Variants in FAM151B observed in about 807,000 individuals in gnomAD.
FAM151B encodes the protein family with sequence similarity 151 member B, also known as protein FAM151B.
In FAM151B, 24 loss-of-function variants were observed where a neutral mutation model predicts 31.2. The observed-to-expected ratio is 0.77, with a 90% CI of 0.56 to 1.08. The LOEUF is 1.08. Among genes scored for constraint, FAM151B ranks in the 50% least tolerant of loss-of-function variants. The pLI is 0.00. For synonymous variants in FAM151B, 105 were observed against 111.4 expected, an observed-to-expected ratio of 0.94 and a Z score of 0.36; for missense variants, 293 against 328.6, an observed-to-expected ratio of 0.89 and a Z score of 0.84.
At position 80,538,482 on chromosome 5, in the gene FAM151B, C is replaced by G. The variant is rs1561383816; in HGVS notation, c.672-3191C>G. 1.1e-3 allele frequency among the ~76,000 whole-genome samples: 135 copies of G among 126,252 alleles called. 9 individuals are homozygous for G. Among genetic ancestry groups the G allele is most frequent in the African/African-American group, 3.3e-3 (103 of 31,032 alleles). The allele number at this position is 126,252 out of a possible 152,430, so 82.8% of individuals were successfully genotyped here. On this transcript the variant is annotated intron_variant, in intron 5 of 5. Transcript: ENST00000282226. ...TCTTTCTTTCTTTCTTTCTTTCTTT[C>G]TTTCCTTCCTTCCTTCCTTTCTTTT...
chr5:80,502,322 A>G (rs1025163510), intron 2 of FAM151B, among the ~76,000 whole-genome samples: 1 of 152,168 alleles, frequency 6.6e-6, no homozygotes, highest in Non-Finnish European at 1.5e-5. Flanking sequence ...ACTCTCATAT[A>G]TTATTATATT....
chr5:80,514,479 T>A (rs911390040), intron 3 of FAM151B, among the ~76,000 whole-genome samples: 18 of 27,046 alleles, frequency 6.7e-4, no homozygotes, highest in African/African-American at 2.1e-3. Flanking sequence ...CCCTCTCAAA[T>A]AATAATAATA....
chr5:80,530,230 G>A (rs1213541523), intron 5 of FAM151B, among the ~76,000 whole-genome samples: 3 of 152,116 alleles, frequency 2.0e-5, no homozygotes, highest in South Asian at 2.1e-4. Flanking sequence ...TTGATGGGAC[G>A]TATCTCAAAA....
At chr5:80,538,426 T>TTCTTTCTTTC (rs1561383296) in intron 5 of FAM151B, among the ~76,000 whole-genome samples, 70 of 56,494 alleles carry the variant, frequency 1.2e-3, no homozygotes, top group Middle Eastern at 8.5e-3. Flanking sequence ...CTTTCTTTCT[T>TTCTTTCTTTC]TCTTTCTTTC....
intron 1 of FAM151B, among the ~76,000 whole-genome samples, chr5:80,501,159 G>A (rs1017855378): frequency 5.9e-5 from 9 of 151,854 alleles, no homozygotes; most frequent in Non-Finnish European, 1.3e-4. Context: ...GATTACAGGC[G>A]TGTGCCACCA....
rs1269696138 is a variant in FAM151B at position 80,519,871 on chromosome 5, G to A, written c.496G>A (p.Gly166Ser). 2.5e-6 allele frequency: 4 copies of A among 1,613,926 alleles called. No individual in the cohort carries two copies. The highest frequency in any genetic ancestry group is 3.4e-6 in the Non-Finnish European group (4 of 1,180,012). Reference sequence around the variant, plus strand: ...CTTTCCAGACGTGACGTTTTCCCTGGGTTGGACAACAGGATGGCATCCTGA... The same window carrying A: ...CTTTCCAGACGTGACGTTTTCCCTGAGTTGGACAACAGGATGGCATCCTGA... ...SFFPDVTFSLGWTTGWHPEKV... is the reference protein window; with the variant it reads ...SFFPDVTFSLSWTTGWHPEKV... The change falls in exon 4 of 6, where the codon GGT (glycine) becomes AGT (serine). Residue 166 changes from glycine (G) to serine (S), a missense_variant. By Grantham distance (56) the Gly-to-Ser change is moderately conservative. Coordinates refer to ENST00000282226, the MANE Select transcript of FAM151B (RefSeq NM_205548.3).
chr5:80,521,031 G>T (rs1005733416), intron 4 of FAM151B, among the ~76,000 whole-genome samples: 1 of 148,798 alleles, frequency 6.7e-6, no homozygotes, highest in East Asian at 2.0e-4. Context: ...TGGCCAGGCT[G>T]GTCTCAAACT....
At chr5:80,501,326 C>G (rs1743736549) in intron 1 of FAM151B, 1 of 1,226,748 alleles carries the variant, frequency 8.2e-7, no homozygotes. Context: ...GGCCGAGAGA[C>G]CACCCATTTT....
At chr5:80,537,139 A>G (rs973355219) in intron 5 of FAM151B, among the ~76,000 whole-genome samples, 5 of 152,226 alleles carry the variant, frequency 3.3e-5, no homozygotes, top group African/African-American at 1.2e-4. Flanking sequence ...AAAACATCTC[A>G]TGTACCCCAT....
At chr5:80,500,052 G>A in intron 1 of FAM151B, 1 of 198,144 alleles carries the variant, frequency 5.0e-6, no homozygotes, top group Non-Finnish European at 1.0e-5. Flanking sequence ...TAGATAAAAT[G>A]GAATATTATT....
Position 80,538,478 on chromosome 5 carries a change from CT to C in FAM151B, c.672-3192del, listed in dbSNP as rs1745681584. 4.9e-5 allele frequency among the ~76,000 whole-genome samples: 6 copies of C among 122,472 alleles called. 1 individual carries two copies. Among genetic ancestry groups the C allele is most frequent in the African/African-American group, 6.8e-5 (2 of 29,398 alleles). The allele number at this position is 122,472 out of a possible 152,430, so 80.3% of individuals were successfully genotyped here. ...TCTTTCTTTCTTTCTTTCTTTCTTTCTTTCTTTCCTTCCTTCCTTCCTTTCT... is the reference window on the plus strand; with the variant it reads ...TCTTTCTTTCTTTCTTTCTTTCTTTCTTCTTTCCTTCCTTCCTTCCTTTCT... On this transcript the variant is annotated intron_variant, in intron 5 of 5. Transcript: ENST00000282226.
At chr5:80,502,484 T>C (rs1743782517) in intron 2 of FAM151B, among the ~76,000 whole-genome samples, 1 of 152,230 alleles carries the variant, frequency 6.6e-6, no homozygotes, top group African/African-American at 2.4e-5. Flanking sequence ...TTATAATTAA[T>C]AAATAATTGG....
At chr5:80,538,438 T>TTCTTTCTA (rs1745653538) in intron 5 of FAM151B, among the ~76,000 whole-genome samples, 1 of 55,700 alleles carries the variant, frequency 1.8e-5, no homozygotes, top group Non-Finnish European at 3.3e-5. Context: ...CTTTCTTTCT[T>TTCTTTCTA]TCTTTCTTTC....
chr5:80,496,087 T>C (rs759837309), intron 1 of FAM151B, among the ~76,000 whole-genome samples: 10 of 152,206 alleles, frequency 6.6e-5, no homozygotes, highest in Admixed American at 1.3e-4. Flanking sequence ...AGCAGCAGAG[T>C]TTGAGAGAAT....
intron 3 of FAM151B, among the ~76,000 whole-genome samples, chr5:80,519,454 A>G (rs1196153349): frequency 2.6e-5 from 4 of 152,186 alleles, no homozygotes; most frequent in African/African-American, 7.2e-5. Flanking sequence ...TAGTACCACT[A>G]TTCATATATT....
chr5:80,507,336 A>T (rs1744006230), intron 2 of FAM151B, among the ~76,000 whole-genome samples: 1 of 152,126 alleles, frequency 6.6e-6, no homozygotes, highest in Non-Finnish European at 1.5e-5. Flanking sequence ...TAGAGGTAAT[A>T]CAAGTATACT....
At position 80,519,882 on chromosome 5, in the gene FAM151B, A is replaced by T. The variant is rs1445345936; in HGVS notation, c.507A>T (p.Thr169=). 6.2e-7 allele frequency: 1 copy of T among 1,614,022 alleles called. No individual in the cohort carries two copies. The highest frequency in any genetic ancestry group is 2.2e-5 in the East Asian group (1 of 44,890). ...TGACGTTTTCCCTGGGTTGGACAAC[A>T]GGATGGCATCCTGAGAAAGTCAATG... ...PDVTFSLGWT[T]GWHPEKVNEG... The change falls in exon 4 of 6, where the codon ACA becomes ACT. Residue 169 remains threonine, a synonymous_variant. Coordinates refer to ENST00000282226, the MANE Select transcript of FAM151B (RefSeq NM_205548.3).
intron 5 of FAM151B, among the ~76,000 whole-genome samples, chr5:80,531,470 T>G (rs981529737): frequency 6.6e-6 from 1 of 151,670 alleles, no homozygotes; most frequent in African/African-American, 2.4e-5. Context: ...TGGGAGAAAA[T>G]TTTTACAATC....
rs558308362 is a variant in FAM151B, at chr5:80,523,761, G to A, written c.671+1623G>A. 1.2e-4 allele frequency among the ~76,000 whole-genome samples: 18 copies of A among 152,264 alleles called. 1 individual carries two copies. Among genetic ancestry groups the A allele is most frequent in the African/African-American group, 4.3e-4 (18 of 41,560 alleles). ...GATTCCATTTGCATGTGGGAAAATTGATGTGTAAAAATATTTGTAGATGAA... is the reference window on the plus strand; with the variant it reads ...GATTCCATTTGCATGTGGGAAAATTAATGTGTAAAAATATTTGTAGATGAA... On this transcript the variant is annotated intron_variant, in intron 5 of 5. Coordinates refer to ENST00000282226, the MANE Select transcript of FAM151B (RefSeq NM_205548.3).
Sources: allele counts gnomAD v4.1 joint callset (sites outside exome capture counted in the v4.1 genomes callset), GRCh38; gene constraint gnomAD v4.1.1; transcripts MANE v1.5; gene names NCBI Gene and HGNC (gene_info 2026-07-23, HGNC 2026-07-21).